FBXO32: variants seen among roughly 807,000 people sequenced by gnomAD.
FBXO32 encodes the protein F-box only protein 32.
Under a neutral mutation model 48.3 loss-of-function variants are expected in FBXO32, and 15 were observed. The ratio of observed to expected loss-of-function variants is 0.31; its 90% CI spans 0.21 to 0.48. FBXO32 has a LOEUF of 0.48. Among genes scored for constraint, FBXO32 ranks in the 20% least tolerant of loss-of-function variants. FBXO32 has a pLI of 0.99. For missense variants in FBXO32, 309 were observed against 432.7 expected, an observed-to-expected ratio of 0.71 and a Z score of 2.54; for synonymous variants, 154 against 165.9, an observed-to-expected ratio of 0.93 and a Z score of 0.55.
At position 123,503,339 on chromosome 8, in the gene FBXO32, G is replaced by A. The variant is rs968363033; in HGVS notation, c.*34C>T. On this transcript the variant is annotated 3_prime_UTR_variant, in exon 9 of 9. Coordinates refer to ENST00000517956, the MANE Select transcript of FBXO32 (RefSeq NM_058229.4). The stretch of plus-strand genomic sequence containing the variant: ...TATTCCCAGCTCTCCAGTCAGCAGG[G>A]GGACCCTTCTGAAGTGTTGTCATGT... The A allele has an allele frequency of 1.9e-6, 3 of 1,568,838 alleles. No homozygotes were observed. The African/African-American group carries it at 4.1e-5, about 21-fold the overall frequency.
Position 123,506,362 on chromosome 8 carries a change from T to G in FBXO32, c.834+30A>C. On this transcript the variant is annotated intron_variant, in intron 7 of 8. Coordinates refer to ENST00000517956, the MANE Select transcript of FBXO32 (RefSeq NM_058229.4). This position sits in a 1 kb window ranked among gnomAD's most constrained non-coding sequence, Gnocchi z 4.0. ...TGGGGTGAGGGCCAGAGAAGGAGGG[T>G]GGGAGGAAAGCCCACTGGGCCTTGC... 1 of 1,607,476 alleles carries G rather than the reference T, an allele frequency of 6.2e-7. No homozygotes were observed. Among genetic ancestry groups the G allele is most frequent in the Non-Finnish European group, 8.5e-7 (1 of 1,177,648 alleles).
At chr8:123,516,332 A>T (rs1238072482) in intron 4 of FBXO32, among the ~76,000 whole-genome samples, 2 of 152,332 alleles carry the variant, frequency 1.3e-5, no homozygotes, top group Middle Eastern at 6.8e-3. Context: ...GACTCAGTAG[A>T]CTAGACACAG....
chr8:123,504,811 T>C, intron 7 of FBXO32, 64 bp from the exon 8 acceptor site: 1 of 1,543,748 alleles, frequency 6.5e-7, no homozygotes, highest in Non-Finnish European at 8.8e-7. Context: ...CTTGTGGTTT[T>C]CCGGTTCTGA....
chr8:123,517,974 G>A (rs539913808), intron 4 of FBXO32, among the ~76,000 whole-genome samples: 14 of 152,168 alleles, frequency 9.2e-5, no homozygotes, highest in Non-Finnish European at 1.6e-4. Flanking sequence ...TGTGGGCCAC[G>A]TGGTCTCTGT....
chr8:123,502,645 A>T lies in FBXO32; in HGVS notation c.*728T>A, dbSNP rs1816520936. 6.6e-6 allele frequency: 1 copy of T among 152,210 alleles called. No individual in the cohort carries two copies. Among genetic ancestry groups the T allele is most frequent in the Admixed American group, 6.5e-5 (1 of 15,276 alleles). The allele number at this position is 152,210 out of a possible 1,614,324, so 9.4% of individuals were successfully genotyped here. A position where few individuals can be genotyped will look rare whatever the true frequency, so the allele number is the denominator to read the frequency against. ...TTCTGGTGAACAGATAACTCTAAGG[A>T]GGGCCCTGTTTGCCTGAAAAGGAAG... On this transcript the variant is annotated 3_prime_UTR_variant, in exon 9 of 9. Transcript: ENST00000517956.
chr8:123,516,945 C>T (rs529126878), intron 4 of FBXO32, among the ~76,000 whole-genome samples: 7 of 152,254 alleles, frequency 4.6e-5, no homozygotes, highest in African/African-American at 1.4e-4. Flanking sequence ...TTGCCACCAA[C>T]CAGCACGTGA....
At chr8:123,530,883 C>G (rs531409237) in intron 4 of FBXO32, among the ~76,000 whole-genome samples, 9 of 150,146 alleles carry the variant, frequency 6.0e-5, no homozygotes, top group African/African-American at 2.0e-4. Flanking sequence ...TCCCAAAGTG[C>G]TGGGATTACA....
chr8:123,521,924 A>G (rs1396780941), intron 4 of FBXO32, among the ~76,000 whole-genome samples: 1 of 152,150 alleles, frequency 6.6e-6, no homozygotes, highest in Non-Finnish European at 1.5e-5. Context: ...AGTGCTGGGT[A>G]CTTCCAAGAC....
Position 123,532,160 on chromosome 8 carries a change from C to T in FBXO32, c.280-170G>A, listed in dbSNP as rs1157468138. 5.0e-6 allele frequency: 7 copies of T among 1,389,448 alleles called. No individual in the cohort carries two copies. The South Asian group carries it at 9.9e-5, about 20-fold the overall frequency. The allele number at this position is 1,389,448 out of a possible 1,614,324, so 86.1% of individuals were successfully genotyped here. On this transcript the variant is annotated intron_variant, in intron 3 of 8. Coordinates refer to ENST00000517956, the MANE Select transcript of FBXO32 (RefSeq NM_058229.4). ...CCTGTACCCACAAGCCCTTGAGAGC[C>T]ACCAAGATGGGTAACACAGCCAGCA...
intron 6 of FBXO32, among the ~76,000 whole-genome samples, chr8:123,509,525 C>G: frequency 6.6e-6 from 1 of 151,972 alleles, no homozygotes; most frequent in East Asian, 1.9e-4. Flanking sequence ...GATGGTGAAA[C>G]GCCATCCCTA....
At chr8:123,505,900 A>AAC (rs543844141) in intron 7 of FBXO32, among the ~76,000 whole-genome samples, 14 of 151,788 alleles carry the variant, frequency 9.2e-5, no homozygotes, top group South Asian at 2.1e-4. Context: ...AACTACCTGA[A>AAC]ACACACACAC....
At chr8:123,535,231 C>T (rs574039475) in intron 1 of FBXO32, among the ~76,000 whole-genome samples, 18 of 152,200 alleles carry the variant, frequency 1.2e-4, no homozygotes, top group Middle Eastern at 3.4e-3. Flanking sequence ...CTACCCCAAG[C>T]TGCTGCTGCT....
rs947647969 is a variant in FBXO32 at position 123,540,916 on chromosome 8, G to C, written c.99C>G (p.Phe33Leu). 1 of 1,613,472 alleles carries C rather than the reference G, an allele frequency of 6.2e-7. No individual in the cohort carries two copies. The highest frequency in any genetic ancestry group is 1.1e-5 in the South Asian group (1 of 91,070). The change falls in exon 1 of 9, where the codon TTC becomes TTG. Residue 33 changes from phenylalanine to leucine, a missense_variant. Phe to Leu is a conservative substitution (Grantham distance 22). Coordinates refer to ENST00000517956, the MANE Select transcript of FBXO32 (RefSeq NM_058229.4). This position sits in a 1 kb window ranked among gnomAD's most constrained non-coding sequence, Gnocchi z 6.4. Reference protein sequence around the residue: ...KRFLDEKSGSFVSDLSSYCNK... With the variant: ...KRFLDEKSGSLVSDLSSYCNK... ...CCCCTCACCTGCTGAGGTCGCTCAC[G>C]AAACTGCCGCTCTTCTCATCCAGGA... is the stretch of plus-strand genomic sequence containing the variant.
rs1033170986 is a variant in FBXO32 at position 123,499,894 on chromosome 8, A to T, written c.*3479T>A. The T allele has an allele frequency of 2.6e-5, 4 of 152,268 alleles. No individual in the cohort carries two copies. The highest frequency in any genetic ancestry group is 9.6e-5 in the African/African-American group (4 of 41,468). The allele number at this position is 152,268 out of a possible 1,614,324, so 9.4% of individuals were successfully genotyped here. ...GCTACCTTACTGCCCAAGTGCTAGTAGAACCTGCTCTAGTGTTCAGAGTTT... is the reference window on the plus strand; with the variant it reads ...GCTACCTTACTGCCCAAGTGCTAGTTGAACCTGCTCTAGTGTTCAGAGTTT... On this transcript the variant is annotated 3_prime_UTR_variant, in exon 9 of 9. Transcript: ENST00000517956.
At chr8:123,510,454 A>C (rs1020352930) in intron 6 of FBXO32, among the ~76,000 whole-genome samples, 2 of 152,112 alleles carry the variant, frequency 1.3e-5, no homozygotes, top group African/African-American at 4.8e-5. Flanking sequence ...TCTACCAAAA[A>C]ATACAAAAAT....
intron 4 of FBXO32, among the ~76,000 whole-genome samples, chr8:123,518,134 TATATC>T (rs1164814523): frequency 1.3e-5 from 2 of 152,210 alleles, no homozygotes; most frequent in Admixed American, 6.5e-5. Context: ...GTTTCTGGTA[TATATC>T]ATAAGAGTTT....
chr8:123,539,678 G>A (rs1261579680), intron 1 of FBXO32, among the ~76,000 whole-genome samples: 1 of 152,196 alleles, frequency 6.6e-6, no homozygotes, highest in Non-Finnish European at 1.5e-5. Flanking sequence ...AGGCACGGGA[G>A]TTCAAGTTGC....
intron 7 of FBXO32, among the ~76,000 whole-genome samples, chr8:123,505,236 A>C (rs1447124871): frequency 6.6e-6 from 1 of 152,240 alleles, no homozygotes; most frequent in Non-Finnish European, 1.5e-5. Flanking sequence ...TTGAGGCAGC[A>C]TGATGAAGGG....
At chr8:123,511,482 T>G (rs1419395367) in intron 6 of FBXO32, among the ~76,000 whole-genome samples, 1 of 148,798 alleles carries the variant, frequency 6.7e-6, no homozygotes, top group Non-Finnish European at 1.5e-5. Context: ...GGTTTTTTGT[T>G]TTTTTTTTTT....
Sources: gnomAD v4.1 joint callset for allele counts (sites outside exome capture counted in the v4.1 genomes callset) on GRCh38, gnomAD v4.1.1 for gene constraint, Gnocchi (gnomAD v3.1) non-coding constraint, MANE v1.5 for transcripts, NCBI Gene and HGNC (gene_info 2026-07-23, HGNC 2026-07-21) for gene names.